Variants in LY86 observed in about 807,000 individuals in gnomAD.
LY86 encodes the protein MD-1, RP105-associated.
LY86 carries 20 observed loss-of-function variants against 17.3 expected under a neutral mutation model. The observed-to-expected ratio is 1.15, with a 90% CI of 0.81 to 1.68. LY86 has a LOEUF of 1.68. Ranked by LOEUF, LY86 falls within the 40% of genes most tolerant of loss-of-function variation. The pLI, the probability that LY86 is intolerant of heterozygous loss-of-function variation, is 0.00. For missense variants in LY86, 200 were observed against 191.9 expected, an observed-to-expected ratio of 1.04 and a Z score of -0.25; for synonymous variants, 74 against 70.6, an observed-to-expected ratio of 1.05 and a Z score of -0.24.
chr6:6,622,131 C>T (rs1761695697), intron 1 of LY86, among the ~76,000 whole-genome samples: 1 of 152,204 alleles, frequency 6.6e-6, no homozygotes, highest in African/African-American at 2.4e-5. Flanking sequence ...TATACATATC[C>T]TCAGAGAGAT....
chr6:6,640,405 A>T (rs1762022559), intron 3 of LY86, among the ~76,000 whole-genome samples: 2 of 151,156 alleles, frequency 1.3e-5, no homozygotes, highest in South Asian at 2.1e-4. Context: ...AAAAAAATAA[A>T]AATAAAAAAA....
At chr6:6,588,987 A>C in intron 1 of LY86, 117 bp downstream of exon 1, 4 of 1,326,690 alleles carry the variant, frequency 3.0e-6, no homozygotes, top group South Asian at 1.5e-5. Context: ...GCAGCTGAAC[A>C]CTTTCTCCAC....
At chr6:6,605,744 G>GTCGAC (rs1761103744) in intron 1 of LY86, among the ~76,000 whole-genome samples, 1 of 152,222 alleles carries the variant, frequency 6.6e-6, no homozygotes, top group African/African-American at 2.4e-5. Context: ...TTAAAAGGCA[G>GTCGAC]TGTGTCCAGA....
Position 6,601,100 on chromosome 6 carries a change from A to T in LY86, c.136+12230A>T, listed in dbSNP as rs182821732. On this transcript the variant is annotated intron_variant, in intron 1 of 4. Coordinates refer to ENST00000230568, the MANE Select transcript of LY86 (RefSeq NM_004271.4). Reference sequence around the variant, plus strand: ...GAGTACAGGCTTGCTAGCAAGTATCAGGTATCCTAACAAAAATGTGCCTGA... The same window carrying T: ...GAGTACAGGCTTGCTAGCAAGTATCTGGTATCCTAACAAAAATGTGCCTGA... 4.7e-3 allele frequency among the ~76,000 whole-genome samples: 712 copies of T among 152,322 alleles called. 2 individuals are homozygous for T. Among genetic ancestry groups the T allele is most frequent in the African/African-American group, 0.016 (684 of 41,574 alleles).
At chr6:6,601,221 T>A (rs1467399057) in intron 1 of LY86, among the ~76,000 whole-genome samples, 1 of 151,732 alleles carries the variant, frequency 6.6e-6, no homozygotes, top group African/African-American at 2.4e-5. Context: ...CCTGGGGGAG[T>A]GGATCTTCAG....
chr6:6,590,192 C>CA (rs1554122461), intron 1 of LY86, among the ~76,000 whole-genome samples: 1 of 150,496 alleles, frequency 6.6e-6, no homozygotes, highest in Non-Finnish European at 1.5e-5. Context: ...AGTCCCCCCC[C>CA]AGTCTGCTAG....
chr6:6,642,217 C>T (rs1762049865), intron 3 of LY86, among the ~76,000 whole-genome samples: 1 of 152,252 alleles, frequency 6.6e-6, no homozygotes, highest in Non-Finnish European at 1.5e-5. Context: ...CAGTAGGGCA[C>T]AGCTGGATTT....
chr6:6,651,070 T>TA (rs58820269), intron 4 of LY86, among the ~76,000 whole-genome samples: 8,194 of 152,298 alleles, frequency 0.054, 546 homozygotes, highest in African/African-American at 0.16. Context: ...TTTATGGCCA[T>TA]ATAGTATTCC....
chr6:6,651,187 TGC>T (rs762692075), intron 4 of LY86, among the ~76,000 whole-genome samples: 2 of 152,194 alleles, frequency 1.3e-5, no homozygotes, highest in Non-Finnish European at 2.9e-5. Context: ...AGCATGGGGG[TGC>T]AATTACAAAA....
In LY86 at chr6:6,588,957, TGGGAG is replaced by T. The variant is rs1308068667; in HGVS notation, c.136+93_136+97del. The T allele has an allele frequency of 1.0e-4, 142 of 1,355,916 alleles. 1 individual carries two copies. In the East Asian group the frequency reaches 2.0e-3, roughly 19 times the overall value. 84.0% of individuals were successfully genotyped at this position (1,355,916 alleles called of 1,614,324 possible). A position where few individuals can be genotyped will look rare whatever the true frequency, so the allele number is the denominator to read the frequency against. ...CGCTAGTGCTCAGTTGGAGTTGGGGTGGGAGGGGAGAGGGGACCAGCAGCTGAACA... is the reference window on the plus strand; with the variant it reads ...CGCTAGTGCTCAGTTGGAGTTGGGGTGGGAGAGGGGACCAGCAGCTGAACA... On this transcript the variant is annotated intron_variant, in intron 1 of 4. Coordinates refer to ENST00000230568, the MANE Select transcript of LY86 (RefSeq NM_004271.4).
At chr6:6,642,191 G>A (rs1020796310) in intron 3 of LY86, among the ~76,000 whole-genome samples, 1 of 152,238 alleles carries the variant, frequency 6.6e-6, no homozygotes. Flanking sequence ...CCAGTCCTTG[G>A]CTACAGGCCC....
chr6:6,627,823 G>A (rs1040439793), intron 3 of LY86, among the ~76,000 whole-genome samples: 6 of 152,128 alleles, frequency 3.9e-5, no homozygotes, highest in Non-Finnish European at 5.9e-5. Context: ...AAGCACAGAG[G>A]GGTTTAGGAA....
chr6:6,612,678 G>A (rs1021769769), intron 1 of LY86, among the ~76,000 whole-genome samples: 4 of 152,170 alleles, frequency 2.6e-5, no homozygotes, highest in African/African-American at 7.2e-5. Flanking sequence ...TGATTGGTCC[G>A]TTTTGACAGG....
chr6:6,615,927 C>T (rs1486736274), intron 1 of LY86, among the ~76,000 whole-genome samples: 1 of 152,068 alleles, frequency 6.6e-6, no homozygotes, highest in Non-Finnish European at 1.5e-5. Context: ...GGTGTTCTTA[C>T]ATTAAAAAGA....
At chr6:6,624,703 C>T (rs775602921) in intron 1 of LY86, among the ~76,000 whole-genome samples, 5 of 152,100 alleles carry the variant, frequency 3.3e-5, no homozygotes, top group African/African-American at 1.2e-4. Context: ...CCTGTTTATT[C>T]CATGGATGGA....
At chr6:6,589,733 A>C (rs139724228) in intron 1 of LY86, among the ~76,000 whole-genome samples, 531 of 152,062 alleles carry the variant, frequency 3.5e-3, no homozygotes, top group African/African-American at 0.012. Context: ...CTCTGTGTAC[A>C]TCTGTGTCCT....
rs1382811478 is a variant in LY86, at chr6:6,603,602, ACAG to A, written c.136+14733_136+14735del. On this transcript the variant is annotated intron_variant, in intron 1 of 4. Transcript: ENST00000230568. The stretch of plus-strand genomic sequence containing the variant: ...GCCAAAGCCAAAAACAAAAACAGAA[ACAG>A]AAAAAAAAACAAACAAAAAAAAACA... 4.8e-3 allele frequency among the ~76,000 whole-genome samples: 90 copies of A among 18,840 alleles called. 2 individuals carry two copies. The highest frequency in any genetic ancestry group is 6.1e-3 in the African/African-American group (82 of 13,436). 12.4% of individuals were successfully genotyped at this position (18,840 alleles called of 152,430 possible).
At chr6:6,622,226 T>C (rs1761697711) in intron 1 of LY86, among the ~76,000 whole-genome samples, 1 of 152,232 alleles carries the variant, frequency 6.6e-6, no homozygotes, top group South Asian at 2.1e-4. Flanking sequence ...AAGAAAATGC[T>C]TTATTTCCTT....
chr6:6,607,480 TA>T (rs1051970290), intron 1 of LY86, among the ~76,000 whole-genome samples: 2 of 151,252 alleles, frequency 1.3e-5, no homozygotes, highest in Non-Finnish European at 3.0e-5. Context: ...TTCCAAACTA[TA>T]AACAAAACAA....
Sources: allele counts gnomAD v4.1 joint callset (sites outside exome capture counted in the v4.1 genomes callset), GRCh38; gene constraint gnomAD v4.1.1; transcripts MANE v1.5; gene names NCBI Gene and HGNC (gene_info 2026-07-23, HGNC 2026-07-21).